The following HMCN2 variants were observed in gnomAD, a reference collection of about 807,000 sequenced individuals.
The protein encoded by HMCN2 is hemicentin 2.
In HMCN2, 325 loss-of-function variants were observed where a neutral mutation model predicts 377.5. The observed-to-expected ratio is 0.86, with a 90% CI of 0.79 to 0.94. HMCN2 has a LOEUF of 0.94. Among genes scored for constraint, HMCN2 ranks in the 40% least tolerant of loss-of-function variants. HMCN2 has a pLI of 0.00. For missense variants in HMCN2, 4,543 were observed against 4,725.3 expected (o/e 0.96, Z 1.13); for synonymous variants, 2,007 against 2,046.8 (o/e 0.98, Z 0.53).
chr9:130,278,249 C>T (rs571130489), intron 1 of HMCN2, among the ~76,000 whole-genome samples: 6 of 152,082 alleles, frequency 3.9e-5, no homozygotes, highest in Non-Finnish European at 5.9e-5. Flanking sequence ...CTCAGCCTCC[C>T]GAGTAGCTGG....
intron 4 of HMCN2, among the ~76,000 whole-genome samples, chr9:130,291,624 C>T (rs1835771241): frequency 6.6e-6 from 1 of 152,208 alleles, no homozygotes; most frequent in Non-Finnish European, 1.5e-5. Context: ...CAATTGTTAA[C>T]ATTTCTGCTC....
At position 130,426,318 on chromosome 9, in the gene HMCN2, G is replaced by A. The variant is rs536124225; in HGVS notation, c.13879+394G>A. 5.9e-5 allele frequency among the ~76,000 whole-genome samples: 9 copies of A among 152,320 alleles called. No individual in the cohort carries two copies. In the East Asian group the frequency reaches 1.7e-3, roughly 29 times the overall value. On this transcript the variant is annotated intron_variant, in intron 90 of 97. Transcript: ENST00000683500. ...GAACCCTAGAGACCCCCAGGAACAT[G>A]CTTTCTGTTCACCCAGTGAATGCTA...
chr9:130,287,913 C>G (rs1421268856), intron 4 of HMCN2, among the ~76,000 whole-genome samples: 2 of 152,180 alleles, frequency 1.3e-5, no homozygotes, highest in Non-Finnish European at 2.9e-5. Flanking sequence ...TTACGAGCTG[C>G]AGAGAGCTAT....
In HMCN2 at chr9:130,281,361, C is replaced by T. The variant is rs76870885; in HGVS notation, c.260-3242C>T. Among the ~76,000 whole-genome samples, 1,178 of 151,782 alleles carry T rather than the reference C, an allele frequency of 7.8e-3. 7 individuals carry two copies. Among genetic ancestry groups the T allele is most frequent in the Non-Finnish European group, 9.7e-3 (662 of 67,916 alleles). ...CTTGGACGCCAGCACTTTGGGAGGC[C>T]GAGGCAAGTGTATCACATGAGTCCA... On this transcript the variant is annotated intron_variant, in intron 1 of 97. Transcript: ENST00000683500.
Position 130,404,912 on chromosome 9 carries a change from C to G in HMCN2, c.12192C>G (p.Thr4064=). 2.3e-6 allele frequency: 3 copies of G among 1,286,560 alleles called. 1 individual carries two copies. Among genetic ancestry groups the G allele is most frequent in the African/African-American group, 3.0e-5 (2 of 65,920 alleles). The allele number at this position is 1,286,560 out of a possible 1,614,324, so 79.7% of individuals were successfully genotyped here. A position where few individuals can be genotyped will look rare whatever the true frequency, so the allele number is the denominator to read the frequency against. Reference sequence around the variant, plus strand: ...ATGGCCTCCCAGACCTGTCCACCACCGAAGGCTCCCACGCCTTCTTGCCTT... The same window carrying G: ...ATGGCCTCCCAGACCTGTCCACCACGGAAGGCTCCCACGCCTTCTTGCCTT... ...IENGLPDLST[T]EGSHAFLPCK... Residue 4064 remains threonine, a synonymous_variant, in exon 81 of 98, where the codon ACC becomes ACG. Transcript: ENST00000683500.
chr9:130,391,642 A>T (rs1842328186), intron 65 of HMCN2, 68 bp downstream of exon 65: 1 of 984,012 alleles, frequency 1.0e-6, no homozygotes, highest in Non-Finnish European at 1.2e-6. Context: ...GCGACATGTG[A>T]GCAAAGCCCA....
In HMCN2 at chr9:130,422,651, AC is replaced by A; in HGVS notation, c.13308del (p.Ser4437AlafsTer2). ...GRKFGVATLN[T>X]SVMQEAHSGV... The stretch of plus-strand genomic sequence containing the variant: ...GAAATTTGGCGTGGCCACACTCAAC[AC>A]CAGCGTGATGCAGGAGGCACACTCC... On this transcript the variant is annotated frameshift_variant, in exon 87 of 98. Transcript: ENST00000683500. LOFTEE classifies it high-confidence loss of function. This position sits in a 1 kb window ranked among gnomAD's most constrained non-coding sequence, Gnocchi z 4.2. 1 of 1,325,248 alleles carries A rather than the reference AC, an allele frequency of 7.5e-7. No homozygotes were observed. Among genetic ancestry groups the A allele is most frequent in the Non-Finnish European group, 9.7e-7 (1 of 1,030,472 alleles). 82.1% of individuals were successfully genotyped at this position (1,325,248 alleles called of 1,614,324 possible). A position where few individuals can be genotyped will look rare whatever the true frequency, so the allele number is the denominator to read the frequency against.
rs532846487 is a variant in HMCN2, at chr9:130,371,752, A to G, written c.7238-542A>G. Among the ~76,000 whole-genome samples, 16 of 152,364 alleles carry G rather than the reference A, an allele frequency of 1.1e-4. 1 individual carries two copies. Among genetic ancestry groups the G allele is most frequent in the African/African-American group, 3.6e-4 (15 of 41,588 alleles). On this transcript the variant is annotated intron_variant, in intron 46 of 97. Coordinates refer to ENST00000683500, the MANE Select transcript of HMCN2 (RefSeq NM_001291815.2). ...GGGTGCATTCTGTGGATAGGAATTCAGAGACTGCATTGGGCCCAGTGGAAA... is the reference window on the plus strand; with the variant it reads ...GGGTGCATTCTGTGGATAGGAATTCGGAGACTGCATTGGGCCCAGTGGAAA...
chr9:130,431,421 A>C lies in HMCN2; in HGVS notation c.14702A>C (p.Glu4901Ala), dbSNP rs1223941658. The change falls in exon 96 of 98, where the codon GAG becomes GCG. Residue 4901 changes from glutamate (E) to alanine (A), a missense_variant. By Grantham distance (107) the Glu-to-Ala change is moderately radical (BLOSUM62 -1). Transcript: ENST00000683500. ...NLCQHACRNT[E>A]GSYQCLCPAG... Reference sequence around the variant, plus strand: ...TGTCAGCACGCCTGCCGCAACACTGAGGGCAGCTACCAGTGCCTGTGCCCC... The same window carrying C: ...TGTCAGCACGCCTGCCGCAACACTGCGGGCAGCTACCAGTGCCTGTGCCCC... The C allele has an allele frequency of 1.9e-6, 3 of 1,550,156 alleles. No individual in the cohort carries two copies. Among genetic ancestry groups the C allele is most frequent in the African/African-American group, 1.4e-5 (1 of 73,038 alleles).
Position 130,341,244 on chromosome 9 carries a change from C to T in HMCN2, c.3621C>T (p.Gly1207=), listed in dbSNP as rs1839030941. The T allele has an allele frequency of 6.6e-6, 1 of 152,326 alleles. No individual in the cohort carries two copies. The highest frequency in any genetic ancestry group is 1.5e-5 in the Non-Finnish European group (1 of 68,138). 9.4% of individuals were successfully genotyped at this position (152,326 alleles called of 1,614,324 possible). Residue 1207 remains glycine, a synonymous_variant, in exon 24 of 98, where the codon GGC becomes GGT. Transcript: ENST00000683500. ...SWSKDGVVLQ[G]RGPQGSVHFA... is the part of the protein sequence containing the mutation. ...CCAAGGATGGCGTGGTGTTGCAGGG[C>T]CGGGGGCCTCAGGGCTCCGTCCACT...
chr9:130,385,069 G>A (rs1436386700), intron 59 of HMCN2, among the ~76,000 whole-genome samples: 1 of 152,172 alleles, frequency 6.6e-6, no homozygotes, highest in African/African-American at 2.4e-5. Flanking sequence ...AATCCTCTTG[G>A]GGAAAAGCTG....
chr9:130,353,827 G>A (rs572869702), intron 31 of HMCN2, among the ~76,000 whole-genome samples: 96 of 152,302 alleles, frequency 6.3e-4, no homozygotes, highest in African/African-American at 2.2e-3. Context: ...AAGGGTGTCG[G>A]TGGCTCTGGA....
At position 130,358,606 on chromosome 9, in the gene HMCN2, C is replaced by T. The variant is rs555044882; in HGVS notation, c.5677+120C>T. 92 of 885,296 alleles carry T rather than the reference C, an allele frequency of 1.0e-4. No individual in the cohort carries two copies. The African/African-American group carries it at 1.5e-3, about 15-fold the overall frequency. 54.8% of individuals were successfully genotyped at this position (885,296 alleles called of 1,614,324 possible). A position where few individuals can be genotyped will look rare whatever the true frequency, so the allele number is the denominator to read the frequency against. ...GAGGTTTTTCAGTCATAGTTGTGCACTTAACTTCAGAGGAAGTAGAAAGCC... is the reference window on the plus strand; with the variant it reads ...GAGGTTTTTCAGTCATAGTTGTGCATTTAACTTCAGAGGAAGTAGAAAGCC... On this transcript the variant is annotated intron_variant, in intron 36 of 97. Coordinates refer to ENST00000683500, the MANE Select transcript of HMCN2 (RefSeq NM_001291815.2).
chr9:130,369,524 T>A lies in HMCN2; in HGVS notation c.6788-46T>A. On this transcript the variant is annotated intron_variant, in intron 44 of 97. Transcript: ENST00000683500. The surrounding 1 kb of genome is among the most constrained non-coding windows in gnomAD (Gnocchi z 4.5). ...CCCGGGGTAAGTGTGTGGTGCCTGG[T>A]GGCCCCAGCAGCTTTCTCTGATGGG... 2 of 974,928 alleles carry A rather than the reference T, an allele frequency of 2.1e-6. No individual in the cohort carries two copies. Among genetic ancestry groups the A allele is most frequent in the Non-Finnish European group, 2.4e-6 (2 of 820,098 alleles). The allele number at this position is 974,928 out of a possible 1,614,324, so 60.4% of individuals were successfully genotyped here.
chr9:130,342,055 A>C (rs1839084901), intron 24 of HMCN2, among the ~76,000 whole-genome samples: 1 of 145,858 alleles, frequency 6.9e-6, no homozygotes, highest in Non-Finnish European at 1.6e-5. Context: ...AAATAAATAA[A>C]TAAATAAAAG....
At chr9:130,344,373 G>A (rs1212082430) in intron 25 of HMCN2, among the ~76,000 whole-genome samples, 1 of 151,734 alleles carries the variant, frequency 6.6e-6, no homozygotes, top group Non-Finnish European at 1.5e-5. Flanking sequence ...GTGTGTGTGT[G>A]TGGTGTTTGG....
rs1841904321 is a variant in HMCN2, at chr9:130,384,413, T to G, written c.8871T>G (p.Thr2957=). ...RIAGLDLEQV[T]AILNSSVSLP... is the part of the protein sequence containing the mutation. ...CAGGCCTGGACTTGGAGCAGGTCACTGCCATCCTCAACAGCAGCGTCTCCC... is the reference window on the plus strand; with the variant it reads ...CAGGCCTGGACTTGGAGCAGGTCACGGCCATCCTCAACAGCAGCGTCTCCC... The change falls in exon 58 of 98, where the codon ACT becomes ACG. Residue 2957 remains threonine (T), a synonymous_variant. Coordinates refer to ENST00000683500, the MANE Select transcript of HMCN2 (RefSeq NM_001291815.2). The G allele has an allele frequency of 1.5e-6, 2 of 1,303,624 alleles. No individual in the cohort carries two copies. The highest frequency in any genetic ancestry group is 2.5e-5 in the South Asian group (2 of 80,988). The allele number at this position is 1,303,624 out of a possible 1,614,324, so 80.8% of individuals were successfully genotyped here.
At chr9:130,373,770 T>C (rs1222565260) in intron 48 of HMCN2, among the ~76,000 whole-genome samples, 12 of 151,420 alleles carry the variant, frequency 7.9e-5, no homozygotes, top group Admixed American at 3.9e-4. Context: ...GGTGGATGGA[T>C]AGATGGATAG....
At chr9:130,330,089 A>T (rs1233024444) in intron 22 of HMCN2, among the ~76,000 whole-genome samples, 2 of 147,008 alleles carry the variant, frequency 1.4e-5, no homozygotes, top group South Asian at 2.2e-4. Context: ...TTCTCCAAGG[A>T]TGTCCCCAGG....
Sources: allele counts gnomAD v4.1 joint callset (sites outside exome capture counted in the v4.1 genomes callset), GRCh38; gene constraint gnomAD v4.1.1; non-coding constraint Gnocchi (gnomAD v3.1); transcripts MANE v1.5; gene names NCBI Gene and HGNC (gene_info 2026-07-23, HGNC 2026-07-21).